ADGRL3: variants seen among roughly 807,000 people sequenced by gnomAD.
The protein encoded by ADGRL3 is calcium-independent alpha-latrotoxin receptor 3.
A neutral mutation model predicts 153.5 loss-of-function variants in ADGRL3; 62 were observed. The ratio of observed to expected loss-of-function variants is 0.40; its 90% confidence interval spans 0.33 to 0.50. ADGRL3 has a LOEUF of 0.50. ADGRL3 is among the 20% of genes least tolerant of loss of function. The pLI is 0.47. For synonymous variants in ADGRL3, 710 were observed against 672.5 expected, an observed-to-expected ratio of 1.06 and a Z score of -0.86; for missense variants, 1,641 against 1,859.4, an observed-to-expected ratio of 0.88 and a Z score of 2.16.
At chr4:61,926,574 G>A (rs1174192246) in intron 13 of ADGRL3, among the ~76,000 whole-genome samples, 9 of 152,146 alleles carry the variant, frequency 5.9e-5, no homozygotes, top group Non-Finnish European at 7.4e-5. Context: ...CCTTTAGCAA[G>A]TTACTTAACT....
In ADGRL3 at chr4:61,892,869, G is replaced by C. The variant is rs555003294; in HGVS notation, c.1694G>C (p.Ser565Thr). The C allele has an allele frequency of 4.4e-6, 7 of 1,603,466 alleles. No homozygotes were observed. The African/African-American group carries it at 8.1e-5, about 19-fold the overall frequency. The part of the protein sequence containing the change: ...ASSQIPALEE[S>T]CEAVEAREIM... ...TCCCAAATCCCAGCTCTCGAAGAGA[G>C]CTGTGAGGCTGTGGAAGCCCGAGAA... Residue 565 changes from serine (S) to threonine (T), a missense_variant, in exon 10 of 27, where the codon AGC becomes ACC. Coordinates refer to ENST00000683033, the MANE Select transcript of ADGRL3 (RefSeq NM_001387552.1).
rs143464745 is a variant in ADGRL3, at chr4:61,289,751, G to A, written c.-240+87986G>A. Among the ~76,000 whole-genome samples the A allele has an allele frequency of 2.6e-5, 4 of 152,160 alleles. No homozygotes were observed. The East Asian group carries it at 7.7e-4, about 29-fold the overall frequency. On this transcript the variant is annotated intron_variant, in intron 1 of 26. Transcript: ENST00000683033. ...TTAAATAAATACAAAAGCCAAAGTAGGGATTCTGGCGTAATATAAGGAGAT... is the reference window on the plus strand; with the variant it reads ...TTAAATAAATACAAAAGCCAAAGTAAGGATTCTGGCGTAATATAAGGAGAT...
chr4:61,751,062 G>C (rs2096751548), intron 8 of ADGRL3, among the ~76,000 whole-genome samples: 1 of 152,138 alleles, frequency 6.6e-6, no homozygotes, highest in Non-Finnish European at 1.5e-5. Flanking sequence ...GATTCTCATA[G>C]GAGTGAGAAC....
intron 4 of ADGRL3, chr4:61,583,726 G>A: frequency 1.9e-6 from 1 of 518,358 alleles, no homozygotes; most frequent in South Asian, 1.4e-5. Flanking sequence ...CATCCTAGCA[G>A]AAGGTTTCCA....
intron 2 of ADGRL3, among the ~76,000 whole-genome samples, chr4:61,394,496 A>T (rs1016996991): frequency 1.3e-5 from 2 of 152,020 alleles, no homozygotes; most frequent in African/African-American, 4.8e-5. Context: ...AAACCATTGA[A>T]ATATATACAT....
At chr4:61,641,154 A>T (rs558999609) in intron 5 of ADGRL3, among the ~76,000 whole-genome samples, 41 of 152,284 alleles carry the variant, frequency 2.7e-4, no homozygotes, top group African/African-American at 9.6e-4. Context: ...AATAGGAATA[A>T]GAATAATAAT....
chr4:61,707,009 G>C (rs986948317), intron 6 of ADGRL3, among the ~76,000 whole-genome samples: 3 of 152,094 alleles, frequency 2.0e-5, no homozygotes, highest in Non-Finnish European at 2.9e-5. Context: ...ATAGTTAGAG[G>C]CCATTGCAGG....
chr4:61,305,310 T>C (rs553294622), intron 1 of ADGRL3, among the ~76,000 whole-genome samples: 1 of 152,270 alleles, frequency 6.6e-6, no homozygotes, highest in African/African-American at 2.4e-5. Context: ...ACACATGTAT[T>C]AAGAGTTTCT....
chr4:61,846,640 C>G (rs1226026953), intron 9 of ADGRL3, among the ~76,000 whole-genome samples: 1 of 152,032 alleles, frequency 6.6e-6, no homozygotes, highest in Non-Finnish European at 1.5e-5. Context: ...TCTTGCTTTG[C>G]TCTAAAGAAA....
intron 8 of ADGRL3, among the ~76,000 whole-genome samples, chr4:61,789,432 G>T (rs910899778): frequency 2.6e-5 from 4 of 152,032 alleles, no homozygotes; most frequent in Admixed American, 6.6e-5. Context: ...TAAAGCAATT[G>T]CTTTGAGTAT....
intron 25 of ADGRL3, among the ~76,000 whole-genome samples, chr4:62,061,686 T>C (rs1177463240): frequency 6.6e-6 from 1 of 152,020 alleles, no homozygotes; most frequent in African/African-American, 2.4e-5. Flanking sequence ...TTCAAGAACA[T>C]TACACGTATA....
chr4:61,328,948 A>G (rs891779233), intron 1 of ADGRL3, among the ~76,000 whole-genome samples: 7 of 152,194 alleles, frequency 4.6e-5, no homozygotes, highest in African/African-American at 1.7e-4. Flanking sequence ...AATGAAATTC[A>G]TCATGGGAGA....
intron 4 of ADGRL3, among the ~76,000 whole-genome samples, chr4:61,550,135 T>C (rs1265265012): frequency 6.6e-6 from 1 of 151,614 alleles, no homozygotes; most frequent in Non-Finnish European, 1.5e-5. Flanking sequence ...TACCAAAATA[T>C]AGAAATATCA....
At chr4:61,596,305 A>C (rs1016240214) in intron 5 of ADGRL3, among the ~76,000 whole-genome samples, 1 of 152,160 alleles carries the variant, frequency 6.6e-6, no homozygotes, top group Admixed American at 6.5e-5. Context: ...GGCCTTTTGT[A>C]ATCAGACTTG....
chr4:61,830,370 A>G (rs894432882), intron 9 of ADGRL3, among the ~76,000 whole-genome samples: 2 of 152,264 alleles, frequency 1.3e-5, no homozygotes, highest in Admixed American at 1.3e-4. Context: ...CCTTCTCTCT[A>G]AACAAACAAA....
chr4:61,907,091 A>G (rs1432420809), intron 11 of ADGRL3, among the ~76,000 whole-genome samples: 1 of 152,106 alleles, frequency 6.6e-6, no homozygotes, highest in African/African-American at 2.4e-5. Flanking sequence ...TCAGATCCAG[A>G]CCCCAAGAGA....
intron 2 of ADGRL3, among the ~76,000 whole-genome samples, chr4:61,391,575 T>C (rs543488436): frequency 1.3e-5 from 2 of 152,274 alleles, no homozygotes; most frequent in South Asian, 2.1e-4. Context: ...TTCATCACTC[T>C]AGGTTAAATA....
chr4:62,069,689 G>T (rs1254166983), intron 26 of ADGRL3, among the ~76,000 whole-genome samples: 1 of 152,018 alleles, frequency 6.6e-6, no homozygotes, highest in Non-Finnish European at 1.5e-5. Flanking sequence ...AAGACAATTT[G>T]TAAAATTAAA....
intron 8 of ADGRL3, among the ~76,000 whole-genome samples, chr4:61,775,016 G>A (rs1431274157): frequency 2.6e-5 from 4 of 152,186 alleles, no homozygotes; most frequent in Non-Finnish European, 5.9e-5. Context: ...TCCTAGTAGA[G>A]AGGAGAGAGG....
Sources: gnomAD v4.1 joint callset for allele counts (sites outside exome capture counted in the v4.1 genomes callset) on GRCh38, gnomAD v4.1.1 for gene constraint, MANE v1.5 for transcripts, NCBI Gene and HGNC (gene_info 2026-07-23, HGNC 2026-07-21) for gene names.